The following NR4A3 variants were observed in gnomAD, a reference collection of about 807,000 sequenced individuals.
NR4A3 encodes nuclear receptor subfamily 4 group A member 3.
In NR4A3, 13 loss-of-function variants were observed where a neutral mutation model predicts 55.6. That is an observed-to-expected ratio of 0.23 (90% CI 0.15 to 0.37). The LOEUF (loss-of-function observed/expected upper bound fraction) is 0.37, where lower values mean the gene tolerates loss of function less well. NR4A3 is among the 10% of genes least tolerant of loss of function. The pLI is 1.00. For synonymous variants in NR4A3, 342 were observed against 357.9 expected (o/e 0.96, Z 0.50); for missense variants, 646 against 822.8 (o/e 0.79, Z 2.63).
intron 4 of NR4A3, among the ~76,000 whole-genome samples, 164 bp downstream of exon 4, chr9:99,832,982 A>T (rs992004310): frequency 1.3e-5 from 2 of 152,170 alleles, no homozygotes; most frequent in African/African-American, 4.8e-5. Flanking sequence ...ACTGAGGACT[A>T]TTTATTCTAA....
At chr9:99,843,450 A>G (rs1295271767) in intron 5 of NR4A3, among the ~76,000 whole-genome samples, 1 of 152,104 alleles carries the variant, frequency 6.6e-6, no homozygotes, top group Non-Finnish European at 1.5e-5. Flanking sequence ...AGCAAAAATC[A>G]TTCTTTCTCT....
At position 99,844,629 on chromosome 9, in the gene NR4A3, C is replaced by G. The variant is rs990295240; in HGVS notation, c.1255-20C>G. 1.2e-6 allele frequency: 2 copies of G among 1,610,158 alleles called. No individual in the cohort carries two copies. Among genetic ancestry groups the G allele is most frequent in the East Asian group, 4.5e-5 (2 of 44,866 alleles). ...CCCACTGAAGCAGGATAATGCTGCT[C>G]TCTCTGGTTTGCATTCTAGTACTGT... is the stretch of plus-strand genomic sequence containing the variant. On this transcript the variant is annotated intron_variant, in intron 5 of 7. Transcript: ENST00000395097.
intron 1 of NR4A3, among the ~76,000 whole-genome samples, chr9:99,823,968 C>A: frequency 6.6e-6 from 1 of 152,146 alleles, no homozygotes. Context: ...GTTTCCTCCA[C>A]ACACTTCACC....
In NR4A3 at chr9:99,863,833, T is replaced by C; in HGVS notation, c.1847T>C (p.Ile616Thr). 1.2e-6 allele frequency: 2 copies of C among 1,613,900 alleles called. No individual in the cohort carries two copies. Among genetic ancestry groups the C allele is most frequent in the Non-Finnish European group, 1.7e-6 (2 of 1,179,884 alleles). The part of the protein sequence containing the change: ...LEDLVSPPSI[I>T]DKLFLDTLPF ...GACTTGGTGTCTCCACCTTCCATCA[T>C]TGACAAGCTCTTCCTGGACACCCTA... is the stretch of plus-strand genomic sequence containing the variant. Residue 616 changes from isoleucine to threonine, a missense_variant, in exon 8 of 8, where the codon ATT becomes ACT. Coordinates refer to ENST00000395097, the MANE Select transcript of NR4A3 (RefSeq NM_006981.4).
At chr9:99,833,572 C>A in intron 5 of NR4A3, 118 bp downstream of exon 5, 1 of 1,608,296 alleles carries the variant, frequency 6.2e-7, no homozygotes, top group Non-Finnish European at 8.5e-7. Context: ...AGTTTTCATA[C>A]TTTTTCTATA....
chr9:99,834,660 T>C (rs1182814040), intron 5 of NR4A3: 1 of 329,466 alleles, frequency 3.0e-6, no homozygotes, highest in African/African-American at 2.2e-5. Context: ...TGGCAAACAG[T>C]GTGAGTGTGT....
Position 99,828,268 on chromosome 9 carries a change from G to C in NR4A3, c.226G>C (p.Val76Leu), listed in dbSNP as rs754530739. 4.3e-6 allele frequency: 7 copies of C among 1,613,910 alleles called. No individual in the cohort carries two copies. In the East Asian group the frequency reaches 8.9e-5, roughly 21 times the overall value. The change falls in exon 3 of 8, where the codon GTG (valine) becomes CTG (leucine). Residue 76 changes from valine to leucine, a missense_variant. Around this residue, in one of 5 missense-constraint regions of NR4A3, gnomAD observed 426 missense variants for 429.4 expected, o/e 0.99. Coordinates refer to ENST00000395097, the MANE Select transcript of NR4A3 (RefSeq NM_006981.4). This position sits in a 1 kb window ranked among gnomAD's most constrained non-coding sequence, Gnocchi z 7.7. ...CAACTACGAACTCAAGCCTTCCTGC[G>C]TGTACCAAATGCAGCGGCCCTTGAT... ...SSNYELKPSC[V>L]YQMQRPLIKV...
At chr9:99,840,124 C>G (rs1480990232) in intron 5 of NR4A3, among the ~76,000 whole-genome samples, 1 of 152,264 alleles carries the variant, frequency 6.6e-6, no homozygotes, top group East Asian at 1.9e-4. Context: ...ACTGAATTCA[C>G]TTTGGCTCCA....
intron 3 of NR4A3, among the ~76,000 whole-genome samples, chr9:99,830,838 C>G (rs1827425841): frequency 6.6e-6 from 1 of 152,190 alleles, no homozygotes; most frequent in Non-Finnish European, 1.5e-5. Flanking sequence ...ATAATTATCT[C>G]TAAATAATGG....
intron 5 of NR4A3, among the ~76,000 whole-genome samples, chr9:99,834,554 G>A (rs1227586268): frequency 1.3e-5 from 2 of 151,970 alleles, no homozygotes; most frequent in Non-Finnish European, 2.9e-5. Flanking sequence ...AGAAATACCA[G>A]TCCAGAGGCC....
intron 6 of NR4A3, among the ~76,000 whole-genome samples, chr9:99,847,139 C>G (rs1470985673): frequency 1.3e-5 from 2 of 152,190 alleles, no homozygotes; most frequent in Non-Finnish European, 1.5e-5. Context: ...GCCTGCTCCC[C>G]CATTTCCTGT....
chr9:99,855,670 G>A (rs921371375), intron 7 of NR4A3, among the ~76,000 whole-genome samples: 1 of 152,222 alleles, frequency 6.6e-6, no homozygotes, highest in East Asian at 1.9e-4. Flanking sequence ...ATGTCTCTGG[G>A]ACTGCCCATC....
intron 5 of NR4A3, among the ~76,000 whole-genome samples, chr9:99,843,983 A>C (rs1827706571): frequency 6.6e-6 from 1 of 151,682 alleles, no homozygotes. Flanking sequence ...CGAACTCCTG[A>C]CCTCAGGTGA....
intron 4 of NR4A3, 24 bp downstream of exon 4, chr9:99,832,842 C>A: frequency 6.8e-7 from 1 of 1,469,922 alleles, no homozygotes. Flanking sequence ...GCTTTTTACC[C>A]AGTTTGCTTA....
At chr9:99,829,140 A>T in intron 3 of NR4A3, 147 bp downstream of exon 3, 1 of 1,019,906 alleles carries the variant, frequency 9.8e-7, no homozygotes, top group South Asian at 4.4e-5. Context: ...TAGCACCTTC[A>T]CATCCATTTT....
intron 7 of NR4A3, among the ~76,000 whole-genome samples, chr9:99,862,609 T>C (rs1828029081): frequency 1.5e-5 from 2 of 134,612 alleles, no homozygotes; most frequent in Non-Finnish European, 3.1e-5. Context: ...CTCTGAAGTC[T>C]AAATGTTGAG....
chr9:99,829,142 A>C, intron 3 of NR4A3, 149 bp downstream of exon 3: 2 of 1,004,628 alleles, frequency 2.0e-6, no homozygotes, highest in Non-Finnish European at 2.6e-6. Context: ...GCACCTTCAC[A>C]TCCATTTTCT....
chr9:99,846,378 T>G (rs1188270149), intron 6 of NR4A3, among the ~76,000 whole-genome samples: 1 of 152,082 alleles, frequency 6.6e-6, no homozygotes, highest in Non-Finnish European at 1.5e-5. Flanking sequence ...TTTTGTTTTA[T>G]AAATAAGGAA....
chr9:99,824,844 G>A (rs1827262912), intron 1 of NR4A3, among the ~76,000 whole-genome samples: 1 of 152,188 alleles, frequency 6.6e-6, no homozygotes, highest in Admixed American at 6.5e-5. Flanking sequence ...GCTGGTCCCG[G>A]AGCTGCGCTC....
Sources: gnomAD v4.1 joint callset for allele counts (sites outside exome capture counted in the v4.1 genomes callset) on GRCh38, gnomAD v4.1.1 for gene constraint, gnomAD v4.1.1 regional missense constraint, Gnocchi (gnomAD v3.1) non-coding constraint, MANE v1.5 for transcripts, NCBI Gene and HGNC (gene_info 2026-07-23, HGNC 2026-07-21) for gene names.